Variants in ZNF219 observed in about 807,000 individuals in gnomAD.
ZNF219 encodes zinc finger protein 219.
In ZNF219, 17 loss-of-function variants were observed where a neutral mutation model predicts 54.4. That is an observed-to-expected ratio of 0.31 (90% CI 0.21 to 0.47). The LOEUF is 0.47. Ranked by LOEUF, ZNF219 falls within the 20% of genes least tolerant of loss-of-function variation. The probability of loss-of-function intolerance (pLI) is 1.00; values close to 1 mark genes in which losing one functional copy is unlikely to be tolerated. For synonymous variants in ZNF219, 518 were observed against 476.4 expected, an observed-to-expected ratio of 1.09 and a Z score of -1.14; for missense variants, 1,014 against 1,062.3, an observed-to-expected ratio of 0.95 and a Z score of 0.63.
In ZNF219 at chr14:21,098,436, G is replaced by C; in HGVS notation, c.-208C>G. On this transcript the variant is annotated 5_prime_UTR_variant, in exon 1 of 5. Transcript: ENST00000360947. Reference sequence around the variant, plus strand: ...AGATGCGCCGGGCCCCGGCCCCCCCGCCCCCGGCCCGGCCCCCGCCCCCTC... The same window carrying C: ...AGATGCGCCGGGCCCCGGCCCCCCCCCCCCCGGCCCGGCCCCCGCCCCCTC... 73 of 518,038 alleles carry C rather than the reference G, an allele frequency of 1.4e-4. No homozygotes were observed. The highest frequency in any genetic ancestry group is 1.6e-4 in the South Asian group (2 of 12,146). 32.1% of individuals were successfully genotyped at this position (518,038 alleles called of 1,614,324 possible).
In ZNF219 at chr14:21,091,778, C is replaced by T. The variant is rs1888898495; in HGVS notation, c.1432+87G>A. The T allele has an allele frequency of 4.8e-6, 7 of 1,471,026 alleles. No individual in the cohort carries two copies. The East Asian group carries it at 1.4e-4, about 30-fold the overall frequency. The allele number at this position is 1,471,026 out of a possible 1,614,324, so 91.1% of individuals were successfully genotyped here. ...ACTCAGGAGAAATTAAACGTAAGTT[C>T]TTTTAACAAGGAAGCTACGAGGGAG... On this transcript the variant is annotated intron_variant, in intron 3 of 4. Coordinates refer to ENST00000360947, the MANE Select transcript of ZNF219 (RefSeq NM_016423.3).
chr14:21,098,015 C>G (rs1889379102), intron 1 of ZNF219, among the ~76,000 whole-genome samples: 1 of 151,416 alleles, frequency 6.6e-6, no homozygotes, highest in African/African-American at 2.4e-5. Flanking sequence ...CCACATCCCC[C>G]CCGTTGGCCC....
chr14:21,090,436 G>T lies in ZNF219; in HGVS notation c.*100C>A. ...TGGTCCGCCTGGGGCTGGGATATGG[G>T]TCCCACGCTGCCCCCTGCTGGCTTC... On this transcript the variant is annotated 3_prime_UTR_variant, in exon 5 of 5. Transcript: ENST00000360947. This position sits in a 1 kb window ranked among gnomAD's most constrained non-coding sequence, Gnocchi z 4.4. The T allele has an allele frequency of 6.9e-7, 1 of 1,440,204 alleles. No individual in the cohort carries two copies. The highest frequency in any genetic ancestry group is 9.3e-7 in the Non-Finnish European group (1 of 1,073,662). 89.2% of individuals were successfully genotyped at this position (1,440,204 alleles called of 1,614,324 possible).
At position 21,090,746 on chromosome 14, in the gene ZNF219, G is replaced by A; in HGVS notation, c.1959C>T (p.Phe653=). 6.2e-7 allele frequency: 1 copy of A among 1,607,724 alleles called. No individual in the cohort carries two copies. Among genetic ancestry groups the A allele is most frequent in the Non-Finnish European group, 8.5e-7 (1 of 1,178,002 alleles). Residue 653 remains phenylalanine (F), a synonymous_variant, in exon 5 of 5, where the codon TTC becomes TTT. Transcript: ENST00000360947. The surrounding 1 kb of genome is among the most constrained non-coding windows in gnomAD (Gnocchi z 4.4). ...GALHRCLFCP[F]ATGAPELMAL... is the part of the protein sequence containing the mutation. ...CCATGAGCTCTGGGGCTCCAGTGGC[G>A]AACGGGCAGAAGAGGCAGCGGTGGA... is the stretch of plus-strand genomic sequence containing the variant.
rs1040284959 is a variant in ZNF219 at position 21,090,693 on chromosome 14, C to T, written c.2012G>A (p.Arg671His). Residue 671 changes from arginine (R) to histidine (H), a missense_variant, in exon 5 of 5, where the codon CGC becomes CAC. Around this residue, in one of 5 missense-constraint regions of ZNF219, gnomAD observed 281 missense variants for 271.2 expected, o/e 1.04. Coordinates refer to ENST00000360947, the MANE Select transcript of ZNF219 (RefSeq NM_016423.3). The surrounding 1 kb of genome is among the most constrained non-coding windows in gnomAD (Gnocchi z 4.4). Reference protein sequence around the residue: ...MALHLQVHHSRRARGRRPPQA... With the variant: ...MALHLQVHHSHRARGRRPPQA... ...GGGTGGCCGGCGGCCCCTAGCCCGG[C>T]GGCTGTGGTGCACTTGAAGGTGCAA... The T allele has an allele frequency of 1.2e-6, 2 of 1,611,254 alleles. No individual in the cohort carries two copies. The highest frequency in any genetic ancestry group is 1.7e-6 in the Non-Finnish European group (2 of 1,179,466).
intron 1 of ZNF219, chr14:21,094,497 C>G: frequency 2.3e-6 from 1 of 440,970 alleles, no homozygotes; most frequent in South Asian, 1.6e-5. Context: ...CTCCTCTCTG[C>G]AGGGGAGAGG....
intron 4 of ZNF219, 57 bp downstream of exon 4, chr14:21,091,354 C>T: frequency 6.4e-7 from 1 of 1,562,118 alleles, no homozygotes; most frequent in Non-Finnish European, 8.7e-7. Flanking sequence ...TTTCGGTAGC[C>T]CTCACCTTTC....
upstream of ZNF219, chr14:21,098,813 G>A (rs1211584007): frequency 1.6e-6 from 2 of 1,287,912 alleles, no homozygotes. Context: ...GGACATACCA[G>A]GGAAGGAGTT....
In ZNF219 at chr14:21,090,712, G is replaced by T; in HGVS notation, c.1993C>A (p.Leu665Ile). The change falls in exon 5 of 5, where the codon CTT becomes ATT. Residue 665 changes from leucine (L) to isoleucine (I), a missense_variant. This residue lies in a region of ZNF219 where 281 missense variants were observed against 271.2 expected (regional missense o/e 1.04). Coordinates refer to ENST00000360947, the MANE Select transcript of ZNF219 (RefSeq NM_016423.3). This position sits in a 1 kb window ranked among gnomAD's most constrained non-coding sequence, Gnocchi z 4.4. Reference sequence around the variant, plus strand: ...GCCCGGCGGCTGTGGTGCACTTGAAGGTGCAAGGCCATGAGCTCTGGGGCT... The same window carrying T: ...GCCCGGCGGCTGTGGTGCACTTGAATGTGCAAGGCCATGAGCTCTGGGGCT... ...TGAPELMALHLQVHHSRRARG... is the reference protein window; with the variant it reads ...TGAPELMALHIQVHHSRRARG... 1 of 1,610,922 alleles carries T rather than the reference G, an allele frequency of 6.2e-7. No individual in the cohort carries two copies. Among genetic ancestry groups the T allele is most frequent in the Non-Finnish European group, 8.5e-7 (1 of 1,179,324 alleles).
At position 21,092,648 on chromosome 14, in the gene ZNF219, G is replaced by T; in HGVS notation, c.649C>A (p.Arg217Ser). Residue 217 changes from arginine (R) to serine (S), a missense_variant, in exon 3 of 5, where the codon CGT becomes AGT. This residue lies in a region of ZNF219 where 395 missense variants were observed against 415.1 expected (regional missense o/e 0.95). Coordinates refer to ENST00000360947, the MANE Select transcript of ZNF219 (RefSeq NM_016423.3). ...HSLTAHGAPE[R>S]PLAATSAAPP... Reference sequence around the variant, plus strand: ...GCAGCGGAGGTGGCCGCCAGGGGACGCTCGGGAGCCCCGTGGGCCGTCAGG... The same window carrying T: ...GCAGCGGAGGTGGCCGCCAGGGGACTCTCGGGAGCCCCGTGGGCCGTCAGG... 6.4e-7 allele frequency: 1 copy of T among 1,565,196 alleles called. No homozygotes were observed.
upstream of ZNF219, chr14:21,102,741 T>C: frequency 6.4e-7 from 1 of 1,551,194 alleles, no homozygotes; most frequent in Non-Finnish European, 8.7e-7. Flanking sequence ...ACCAGGATGC[T>C]GCAGGAGCCA....
upstream of ZNF219, chr14:21,102,155 C>G: frequency 1.3e-6 from 2 of 1,535,666 alleles, no homozygotes. Context: ...TGTCCTCCCA[C>G]TCCCTAAAAC....
chr14:21,091,495 C>T lies in ZNF219; in HGVS notation c.1480G>A (p.Gly494Ser). Residue 494 changes from glycine to serine, a missense_variant, in exon 4 of 5, where the codon GGC (glycine) becomes AGC (serine). Coordinates refer to ENST00000360947, the MANE Select transcript of ZNF219 (RefSeq NM_016423.3). The part of the protein sequence containing the change: ...VGGTRPEGGR[G>S]ATGKDCPFCG... The stretch of plus-strand genomic sequence containing the variant: ...AAAGGACAATCCTTGCCGGTGGCGC[C>T]CCGGCCCCCTTCAGGCCGGGTCCCT... The T allele has an allele frequency of 3.7e-6, 6 of 1,609,800 alleles. No homozygotes were observed. Among genetic ancestry groups the T allele is most frequent in the Non-Finnish European group, 4.2e-6 (5 of 1,176,916 alleles).
chr14:21,103,255 C>G, upstream of ZNF219: 10 of 1,551,236 alleles, frequency 6.4e-6, no homozygotes, highest in Non-Finnish European at 7.8e-6. Flanking sequence ...TCCTTCCACC[C>G]TGAGAGAATG....
At chr14:21,103,220 C>T (rs1039472796), upstream of ZNF219, 1 of 1,551,662 alleles carries the variant, frequency 6.4e-7, no homozygotes, top group East Asian at 2.4e-5. Flanking sequence ...GAGGGTGGGA[C>T]AGCGGGAACA....
At chr14:21,101,373 G>T, upstream of ZNF219, 2 of 1,551,712 alleles carry the variant, frequency 1.3e-6, no homozygotes, top group Non-Finnish European at 1.7e-6. Context: ...AGCAAGAGCA[G>T]GAGAGACACA....
chr14:21,103,601 A>G (rs902406492), upstream of ZNF219: 22 of 242,332 alleles, frequency 9.1e-5, no homozygotes, highest in Non-Finnish European at 1.6e-4. Context: ...CCTGAATCCA[A>G]TTCAGGAGTG....
chr14:21,095,432 T>C (rs1889233799), intron 1 of ZNF219, among the ~76,000 whole-genome samples: 1 of 152,242 alleles, frequency 6.6e-6, no homozygotes, highest in Admixed American at 6.5e-5. Context: ...TGAACATTGA[T>C]AACCCTACAA....
chr14:21,099,951 G>T (rs1163007208), upstream of ZNF219, among the ~76,000 whole-genome samples: 1 of 152,146 alleles, frequency 6.6e-6, no homozygotes, highest in African/African-American at 2.4e-5. Flanking sequence ...TTATCGGTGT[G>T]ACCTCATCAG....
Sources: gnomAD v4.1 joint callset for allele counts (sites outside exome capture counted in the v4.1 genomes callset) on GRCh38, gnomAD v4.1.1 for gene constraint, gnomAD v4.1.1 regional missense constraint, Gnocchi (gnomAD v3.1) non-coding constraint, MANE v1.5 for transcripts, NCBI Gene and HGNC (gene_info 2026-07-23, HGNC 2026-07-21) for gene names.